GNA15: variants seen among roughly 807,000 people sequenced by gnomAD.
GNA15 encodes guanine nucleotide-binding protein subunit alpha-15.
In GNA15, 23 loss-of-function variants were observed where a neutral mutation model predicts 40.1. The ratio of observed to expected loss-of-function variants is 0.57; its 90% CI spans 0.41 to 0.81. GNA15 has a LOEUF of 0.81. GNA15 is among the 40% of genes least tolerant of loss of function. GNA15 has a pLI of 0.00. For synonymous variants in GNA15, 226 were observed against 210.4 expected, an observed-to-expected ratio of 1.07 and a Z score of -0.64; for missense variants, 522 against 515.8, an observed-to-expected ratio of 1.01 and a Z score of -0.12.
intron 6 of GNA15, among the ~76,000 whole-genome samples, chr19:3,160,745 A>G (rs1915122468): frequency 6.6e-6 from 1 of 152,118 alleles, no homozygotes; most frequent in East Asian, 1.9e-4. Flanking sequence ...TGGAGGCTCT[A>G]AGGGAAAATC....
rs117552144 is a variant in GNA15 at position 3,136,093 on chromosome 19, C to T, written c.-358C>T. ...ACCCAGTCTGCGGTGGGGGTTTTCC[C>T]GCCACCGCCCCGCCCTCCCTGGGGC... is the stretch of plus-strand genomic sequence containing the variant. On this transcript the variant is annotated 5_prime_UTR_variant, in exon 1 of 7. Transcript: ENST00000262958. This position sits in a 1 kb window ranked among gnomAD's most constrained non-coding sequence, Gnocchi z 4.9. The T allele has an allele frequency of 0.038, 6,821 of 179,496 alleles. 201 individuals carry two copies. Among genetic ancestry groups the T allele is most frequent in the Non-Finnish European group, 0.057 (4,840 of 85,216 alleles). 11.1% of individuals were successfully genotyped at this position (179,496 alleles called of 1,614,324 possible). A position where few individuals can be genotyped will look rare whatever the true frequency, so the allele number is the denominator to read the frequency against.
chr19:3,145,767 C>T (rs1461225942), intron 1 of GNA15, among the ~76,000 whole-genome samples: 1 of 149,652 alleles, frequency 6.7e-6, no homozygotes, highest in African/African-American at 2.5e-5. Context: ...AGGCTGGTCT[C>T]GAACTCCTGA....
intron 4 of GNA15, among the ~76,000 whole-genome samples, chr19:3,152,541 G>T (rs1209892726): frequency 2.6e-5 from 4 of 152,250 alleles, no homozygotes; most frequent in African/African-American, 9.6e-5. Flanking sequence ...GCAGACAGAG[G>T]TGGGAATGGC....
Position 3,136,383 on chromosome 19 carries a change from TG to T in GNA15, c.-63del. The T allele has an allele frequency of 6.7e-7, 1 of 1,488,982 alleles. No homozygotes were observed. The highest frequency in any genetic ancestry group is 9.0e-7 in the Non-Finnish European group (1 of 1,111,378). 92.2% of individuals were successfully genotyped at this position (1,488,982 alleles called of 1,614,324 possible). Reference sequence around the variant, plus strand: ...GAGCCCTCTCCAGGGCCGGCTGGGCTGGGGGTTGCCCTGGCCAGCAGGGGCC... The same window carrying T: ...GAGCCCTCTCCAGGGCCGGCTGGGCTGGGGTTGCCCTGGCCAGCAGGGGCC... On this transcript the variant is annotated 5_prime_UTR_variant, in exon 1 of 7. Transcript: ENST00000262958. This position sits in a 1 kb window ranked among gnomAD's most constrained non-coding sequence, Gnocchi z 4.9.
rs564736265 is a variant in GNA15 at position 3,148,735 on chromosome 19, T to C, written c.290T>C (p.Met97Thr). 1.9e-6 allele frequency: 3 copies of C among 1,603,500 alleles called. No individual in the cohort carries two copies. Among genetic ancestry groups the C allele is most frequent in the African/African-American group, 2.7e-5 (2 of 74,874 alleles). Reference protein sequence around the residue: ...FVSMRAMIEAMERLQIPFSRP... With the variant: ...FVSMRAMIEATERLQIPFSRP... ...TCCATGCGGGCCATGATCGAGGCCA[T>C]GGAGCGGCTGCAGATTCCATTCAGC... is the stretch of plus-strand genomic sequence containing the variant. Residue 97 changes from methionine (M) to threonine (T), a missense_variant, in exon 2 of 7, where the codon ATG becomes ACG. Coordinates refer to ENST00000262958, the MANE Select transcript of GNA15 (RefSeq NM_002068.4).
chr19:3,157,670 G>T, intron 5 of GNA15, 58 bp from the exon 6 acceptor site: 4 of 1,523,462 alleles, frequency 2.6e-6, no homozygotes, highest in East Asian at 4.5e-5. Flanking sequence ...CGCGATGGGA[G>T]GGTTTCCTGT....
At chr19:3,137,014 T>C (rs1914474677) in intron 1 of GNA15, among the ~76,000 whole-genome samples, 1 of 152,220 alleles carries the variant, frequency 6.6e-6, no homozygotes, top group Non-Finnish European at 1.5e-5. Flanking sequence ...GGACGCTCCC[T>C]CTCGCCTTTA....
At chr19:3,160,307 C>G (rs927526363) in intron 6 of GNA15, among the ~76,000 whole-genome samples, 1 of 152,194 alleles carries the variant, frequency 6.6e-6, no homozygotes, top group African/African-American at 2.4e-5. Flanking sequence ...CCTCCCCTTT[C>G]TCCTAGTCTG....
chr19:3,143,572 A>C (rs1003393449), intron 1 of GNA15, among the ~76,000 whole-genome samples: 1 of 152,082 alleles, frequency 6.6e-6, no homozygotes, highest in African/African-American at 2.4e-5. Flanking sequence ...GAATCGCTTG[A>C]AACCCATGAG....
chr19:3,158,554 G>T (rs536690939), intron 6 of GNA15, among the ~76,000 whole-genome samples: 15 of 152,248 alleles, frequency 9.9e-5, no homozygotes, highest in Admixed American at 8.5e-4. Flanking sequence ...AGCACTTCTG[G>T]AAAGATTGTC....
intron 6 of GNA15, 99 bp downstream of exon 6, chr19:3,157,980 C>A: frequency 1.1e-6 from 1 of 947,238 alleles, no homozygotes. Context: ...GTCACCGGAA[C>A]TTTCACATAG....
intron 1 of GNA15, chr19:3,142,374 C>T (rs1016370477): frequency 6.6e-6 from 1 of 152,060 alleles, no homozygotes; most frequent in African/African-American, 2.4e-5. Flanking sequence ...GGGTGATGAC[C>T]CATCCCTGAG....
chr19:3,157,839 A>G lies in GNA15; in HGVS notation c.856A>G (p.Ile286Val), dbSNP rs1915064622. 6.2e-7 allele frequency: 1 copy of G among 1,613,646 alleles called. No individual in the cohort carries two copies. The highest frequency in any genetic ancestry group is 2.2e-5 in the East Asian group (1 of 44,900). Residue 286 changes from isoleucine (I) to valine (V), a missense_variant, in exon 6 of 7, where the codon ATC becomes GTC. Ile to Val is a conservative substitution (Grantham distance 29). Transcript: ENST00000262958. Reference sequence around the variant, plus strand: ...CAAAACCGACATCCTGGAGGAGAAAATCCCCACCTCCCACCTGGCTACCTA... The same window carrying G: ...CAAAACCGACATCCTGGAGGAGAAAGTCCCCACCTCCCACCTGGCTACCTA... ...LNKTDILEEK[I>V]PTSHLATYFP...
intron 2 of GNA15, chr19:3,149,098 CA>C (rs1313164425): frequency 1.8e-5 from 6 of 328,596 alleles, no homozygotes; most frequent in Non-Finnish European, 3.5e-5. Context: ...CACACATACA[CA>C]AATGAATGCA....
intron 2 of GNA15, chr19:3,149,638 G>A (rs1367521824): frequency 6.2e-6 from 1 of 160,922 alleles, no homozygotes; most frequent in African/African-American, 2.4e-5. Context: ...CCATCACAAA[G>A]GTCTGAGCAA....
chr19:3,155,703 C>T lies in GNA15; in HGVS notation c.615-120C>T, dbSNP rs2144859430. On this transcript the variant is annotated intron_variant, in intron 4 of 6. Transcript: ENST00000262958. This position sits in a 1 kb window ranked among gnomAD's most constrained non-coding sequence, Gnocchi z 5.6. ...AATGACATGGCAAATCCACGAGAGG[C>T]TAGCACCTATTCTTGCTGTCGCTAT... 8.6e-7 allele frequency: 1 copy of T among 1,160,798 alleles called. No individual in the cohort carries two copies. The highest frequency in any genetic ancestry group is 1.4e-5 in the South Asian group (1 of 69,046). 71.9% of individuals were successfully genotyped at this position (1,160,798 alleles called of 1,614,324 possible). A position where few individuals can be genotyped will look rare whatever the true frequency, so the allele number is the denominator to read the frequency against.
At chr19:3,139,638 G>A (rs1599318069) in intron 1 of GNA15, among the ~76,000 whole-genome samples, 2 of 148,714 alleles carry the variant, frequency 1.3e-5, no homozygotes, top group Admixed American at 1.4e-4. Context: ...AGTGGCTCAT[G>A]CCTGTAATCC....
intron 3 of GNA15, among the ~76,000 whole-genome samples, chr19:3,150,932 C>G (rs1243510596): frequency 1.3e-5 from 2 of 149,978 alleles, no homozygotes; most frequent in East Asian, 4.0e-4. Flanking sequence ...GACCCTATTT[C>G]CTGGGGGATC....
intron 6 of GNA15, among the ~76,000 whole-genome samples, chr19:3,158,627 A>AT (rs1324321133): frequency 1.3e-5 from 2 of 150,928 alleles, no homozygotes; most frequent in South Asian, 2.1e-4. Flanking sequence ...TCTTTCTTCT[A>AT]TTTTTTCTTT....
Sources: allele counts gnomAD v4.1 joint callset (sites outside exome capture counted in the v4.1 genomes callset), GRCh38; gene constraint gnomAD v4.1.1; non-coding constraint Gnocchi (gnomAD v3.1); transcripts MANE v1.5; gene names NCBI Gene and HGNC (gene_info 2026-07-23, HGNC 2026-07-21).